The following ADAMTS20 variants were observed in gnomAD, a reference collection of about 807,000 sequenced individuals.
ADAMTS20 encodes A disintegrin and metalloproteinase with thrombospondin motifs 20.
ADAMTS20 carries 225 observed loss-of-function variants against 260.1 expected under a neutral mutation model. That is an observed-to-expected ratio of 0.87 (90% CI 0.78 to 0.97). The LOEUF is 0.97. Ranked by LOEUF, ADAMTS20 falls within the 50% of genes least tolerant of loss-of-function variation. The pLI is 0.00. For synonymous variants in ADAMTS20, 802 were observed against 769.5 expected, an observed-to-expected ratio of 1.04 and a Z score of -0.70; for missense variants, 2,400 against 2,337.7, an observed-to-expected ratio of 1.03 and a Z score of -0.55.
Position 43,439,886 on chromosome 12 carries a change from T to A in ADAMTS20, c.2463+11A>T. On this transcript the variant is annotated intron_variant, in intron 17 of 38. Transcript: ENST00000389420. ...AAATCCAAGTGTTATTACTGATGAC[T>A]GAGAATTTACCTGCAAAATAAGTTC... is the stretch of plus-strand genomic sequence containing the variant. 6.2e-7 allele frequency: 1 copy of A among 1,600,596 alleles called. No individual in the cohort carries two copies. Among genetic ancestry groups the A allele is most frequent in the Non-Finnish European group, 8.5e-7 (1 of 1,172,790 alleles).
rs574461079 is a variant in ADAMTS20, at chr12:43,529,314, T to C, written c.613+2722A>G. On this transcript the variant is annotated intron_variant, in intron 3 of 38. Transcript: ENST00000389420. ...ATATGATGACTGGGCATCTACCCAA[T>C]GGAAAAGAAATCATTATATGAAAGA... Among the ~76,000 whole-genome samples the C allele has an allele frequency of 3.9e-5, 6 of 152,146 alleles. No homozygotes were observed. The South Asian group carries it at 8.3e-4, about 21-fold the overall frequency.
In ADAMTS20 at chr12:43,502,048, A is replaced by T. The variant is rs945848406; in HGVS notation, c.867+104T>A. ...TATTTTTGGCTTAAACCTAGATACA[A>T]AATTACATCTAAAGAGTTTGGAAAA... On this transcript the variant is annotated intron_variant, in intron 4 of 38. Transcript: ENST00000389420. 1.2e-5 allele frequency: 13 copies of T among 1,125,432 alleles called. No individual in the cohort carries two copies. In the African/African-American group the frequency reaches 1.8e-4, roughly 15 times the overall value. 69.7% of individuals were successfully genotyped at this position (1,125,432 alleles called of 1,614,324 possible). A position where few individuals can be genotyped will look rare whatever the true frequency, so the allele number is the denominator to read the frequency against.
At chr12:43,361,847 A>G (rs1939874661) in intron 37 of ADAMTS20, among the ~76,000 whole-genome samples, 1 of 152,252 alleles carries the variant, frequency 6.6e-6, no homozygotes, top group African/African-American at 2.4e-5. Context: ...ATAAAATAAA[A>G]TAAAATTTTA....
chr12:43,375,452 G>T lies in ADAMTS20; in HGVS notation c.5373C>A (p.Asp1791Glu). The T allele has an allele frequency of 6.2e-7, 1 of 1,613,378 alleles. No homozygotes were observed. The highest frequency in any genetic ancestry group is 8.5e-7 in the Non-Finnish European group (1 of 1,179,454). The change falls in exon 36 of 39, where the codon GAC (aspartate) becomes GAA (glutamate). Residue 1791 changes from aspartate (D) to glutamate (E), a missense_variant. Physicochemically the swap from Asp to Glu is conservative, Grantham distance 45 (BLOSUM62 2). Transcript: ENST00000389420. ...TGTATCCAGCAGCTAAGTGTCCATTGTCACATTCACAGTCTTCCCTTCTAC... is the reference window on the plus strand; with the variant it reads ...TGTATCCAGCAGCTAAGTGTCCATTTTCACATTCACAGTCTTCCCTTCTAC... ...NGSRREDCECDNGHLAAGYTV... is the reference protein window; with the variant it reads ...NGSRREDCECENGHLAAGYTV...
At chr12:43,537,185 T>A (rs375025334) in intron 2 of ADAMTS20, among the ~76,000 whole-genome samples, 1 of 151,882 alleles carries the variant, frequency 6.6e-6, no homozygotes, top group East Asian at 1.9e-4. Context: ...TCCCCCCACC[T>A]CAGCCTCCCA....
chr12:43,417,908 C>T (rs541488071), intron 28 of ADAMTS20, among the ~76,000 whole-genome samples: 98 of 152,280 alleles, frequency 6.4e-4, no homozygotes, highest in Non-Finnish European at 1.1e-3. Flanking sequence ...CATACATGCA[C>T]ACTGAGGAAG....
In ADAMTS20 at chr12:43,439,917, C is replaced by A; in HGVS notation, c.2443G>T (p.Glu815Ter). The change falls in exon 17 of 39, where the codon GAG (glutamate) becomes TAG (stop). Residue 815 changes from glutamate to a stop codon, truncating the protein, a stop_gained. Transcript: ENST00000389420. LOFTEE classifies it high-confidence loss of function. ...TTTACCTGCAAAATAAGTTCTTTCT[C>A]TTGTCGATTAGTACTATTAATTCTT... Reference protein sequence around the residue: ...VERINSTNRQEKELILQVLCV... With the variant: ...VERINSTNRQ 1 of 1,605,296 alleles carries A rather than the reference C, an allele frequency of 6.2e-7. No homozygotes were observed. The highest frequency in any genetic ancestry group is 8.5e-7 in the Non-Finnish European group (1 of 1,175,626).
At position 43,428,385 on chromosome 12, in the gene ADAMTS20, G is replaced by T. The variant is rs1283170013; in HGVS notation, c.3801C>A (p.His1267Gln). Reference sequence around the variant, plus strand: ...GCACAGGGGAACTAGGAAAGTGGCTGTGTGCAGGAGGGCAGGCTGCCAGGC... The same window carrying T: ...GCACAGGGGAACTAGGAAAGTGGCTTTGTGCAGGAGGGCAGGCTGCCAGGC... ...ECSLAACPPA[H>Q]SHFPSSPVQP... The change falls in exon 26 of 39, where the codon CAC (histidine) becomes CAA (glutamine). Residue 1267 changes from histidine to glutamine, a missense_variant. His to Gln is a conservative substitution (Grantham distance 24, BLOSUM62 0). Transcript: ENST00000389420. 2 of 1,613,772 alleles carry T rather than the reference G, an allele frequency of 1.2e-6. No homozygotes were observed. Among genetic ancestry groups the T allele is most frequent in the Non-Finnish European group, 1.7e-6 (2 of 1,179,874 alleles).
chr12:43,509,158 G>C (rs1192584035), intron 3 of ADAMTS20, among the ~76,000 whole-genome samples: 1 of 152,006 alleles, frequency 6.6e-6, no homozygotes, highest in African/African-American at 2.4e-5. Context: ...GTCTATCATT[G>C]ATTGGCATTT....
At chr12:43,405,938 A>T (rs1940911515) in intron 28 of ADAMTS20, among the ~76,000 whole-genome samples, 1 of 152,198 alleles carries the variant, frequency 6.6e-6, no homozygotes. Context: ...ATTGTATGCC[A>T]GGTATTAGCT....
intron 7 of ADAMTS20, among the ~76,000 whole-genome samples, chr12:43,470,999 G>A (rs1269826793): frequency 6.6e-6 from 1 of 152,186 alleles, no homozygotes; most frequent in Non-Finnish European, 1.5e-5. Context: ...TGGCCGAATA[G>A]GAACAGCTCC....
At chr12:43,376,688 T>C (rs752793179) in intron 32 of ADAMTS20, 35 bp from the exon 33 acceptor site, 14 of 1,581,088 alleles carry the variant, frequency 8.9e-6, no homozygotes, top group Admixed American at 1.9e-5. Context: ...GCAAACTATA[T>C]TATGAATCTT....
At chr12:43,494,911 C>T (rs1277807331) in intron 4 of ADAMTS20, among the ~76,000 whole-genome samples, 1 of 152,108 alleles carries the variant, frequency 6.6e-6, no homozygotes, top group Non-Finnish European at 1.5e-5. Flanking sequence ...TTTATAAAAG[C>T]TCTTTTTCCC....
chr12:43,463,415 C>T (rs1358173734), intron 10 of ADAMTS20, among the ~76,000 whole-genome samples: 1 of 151,952 alleles, frequency 6.6e-6, no homozygotes, highest in Non-Finnish European at 1.5e-5. Context: ...ATAATGTATA[C>T]TGAAGTTTCC....
At chr12:43,520,535 T>C (rs1943056980) in intron 3 of ADAMTS20, among the ~76,000 whole-genome samples, 1 of 152,148 alleles carries the variant, frequency 6.6e-6, no homozygotes. Context: ...TAGGATAAGC[T>C]GATGGATAGT....
chr12:43,405,416 TCTAATAATA>T (rs572323148), intron 28 of ADAMTS20, among the ~76,000 whole-genome samples: 2,747 of 70,024 alleles, frequency 0.039, 34 homozygotes, highest in South Asian at 0.1. Flanking sequence ...AGACGTCTTC[TCTAATAATA>T]ATAATAATAA....
chr12:43,546,092 T>C (rs1037504598), intron 2 of ADAMTS20, among the ~76,000 whole-genome samples: 9 of 152,046 alleles, frequency 5.9e-5, no homozygotes, highest in African/African-American at 1.9e-4. Context: ...CCTGGGAAAA[T>C]AGAAAGTTTG....
rs538673371 is a variant in ADAMTS20, at chr12:43,492,420, A to C, written c.1076+85T>G. 3.5e-4 allele frequency: 494 copies of C among 1,415,606 alleles called. 2 individuals are homozygous for C. The highest frequency in any genetic ancestry group is 9.2e-4 in the Middle Eastern group (5 of 5,448). The allele number at this position is 1,415,606 out of a possible 1,614,324, so 87.7% of individuals were successfully genotyped here. Reference sequence around the variant, plus strand: ...AGAAAAAGAAAAACAAAAACAAAACAAAAAAAAGAATTAAGAAGAAGTATC... The same window carrying C: ...AGAAAAAGAAAAACAAAAACAAAACCAAAAAAAGAATTAAGAAGAAGTATC... On this transcript the variant is annotated intron_variant, in intron 6 of 38. Coordinates refer to ENST00000389420, the MANE Select transcript of ADAMTS20 (RefSeq NM_025003.5).
intron 7 of ADAMTS20, among the ~76,000 whole-genome samples, chr12:43,483,787 A>G (rs1759906835): frequency 6.6e-6 from 1 of 152,182 alleles, no homozygotes; most frequent in African/African-American, 2.4e-5. Context: ...TGTCTGCCCA[A>G]CACTGGGGTA....
Sources: allele counts gnomAD v4.1 joint callset (sites outside exome capture counted in the v4.1 genomes callset), GRCh38; gene constraint gnomAD v4.1.1; transcripts MANE v1.5; gene names NCBI Gene and HGNC (gene_info 2026-07-23, HGNC 2026-07-21).